The following ZNF133 variants were observed in gnomAD, a reference collection of about 807,000 sequenced individuals.
ZNF133 encodes zinc finger protein 133 (clone pHZ-13).
Under a neutral mutation model 54.9 loss-of-function variants are expected in ZNF133, and 26 were observed. The ratio of observed to expected loss-of-function variants is 0.47; its 90% CI spans 0.35 to 0.66. The LOEUF is 0.66. ZNF133 is among the 30% of genes least tolerant of loss of function. ZNF133 has a pLI of 0.01. For synonymous variants in ZNF133, 298 were observed against 320.3 expected, an observed-to-expected ratio of 0.93 and a Z score of 0.74; for missense variants, 653 against 820.8, an observed-to-expected ratio of 0.80 and a Z score of 2.50.
chr20:18,313,864 A>C (rs2147859980), intron 6 of ZNF133: 1 of 152,492 alleles, frequency 6.6e-6, no homozygotes, highest in East Asian at 1.9e-4. Context: ...CTTTCTCTGC[A>C]GGAGCTCCTC....
At chr20:18,288,710 G>C (rs2040199073) in intron 1 of ZNF133, 106 bp downstream of exon 1, 1 of 398,230 alleles carries the variant, frequency 2.5e-6, no homozygotes. Flanking sequence ...GACCGTGCGG[G>C]TGGCGCGGGG....
intron 3 of ZNF133, among the ~76,000 whole-genome samples, chr20:18,303,422 AT>A: frequency 6.6e-6 from 1 of 152,094 alleles, no homozygotes; most frequent in Non-Finnish European, 1.5e-5. Context: ...AAAAATAACA[AT>A]TTTTTTAATA....
Position 18,315,219 on chromosome 20 carries a change from G to A in ZNF133, c.368G>A (p.Gly123Asp), listed in dbSNP as rs772466417. ...GGTAACATCCAGCCTGGGGATCCGGGCCCAGGGGACCAGGAGAAGCAGCAA... is the reference window on the plus strand; with the variant it reads ...GGTAACATCCAGCCTGGGGATCCGGACCCAGGGGACCAGGAGAAGCAGCAA... Reference protein sequence around the residue: ...AEGNIQPGDPGPGDQEKQQQA... With the variant: ...AEGNIQPGDPDPGDQEKQQQA... Residue 123 changes from glycine (G) to aspartate (D), a missense_variant, in exon 7 of 7, where the codon GGC (glycine) becomes GAC (aspartate). By Grantham distance (94) the Gly-to-Asp change is moderately conservative (BLOSUM62 -1). Transcript: ENST00000425686. 3.7e-6 allele frequency: 6 copies of A among 1,613,936 alleles called. No homozygotes were observed. Among genetic ancestry groups the A allele is most frequent in the Middle Eastern group, 1.6e-4 (1 of 6,084 alleles).
At chr20:18,299,111 C>G (rs927444507) in intron 3 of ZNF133, among the ~76,000 whole-genome samples, 3 of 151,994 alleles carry the variant, frequency 2.0e-5, no homozygotes, top group African/African-American at 4.8e-5. Flanking sequence ...AATGAATAAA[C>G]TGAAAACATC....
At chr20:18,296,328 A>G (rs968520897) in intron 1 of ZNF133, among the ~76,000 whole-genome samples, 4 of 152,148 alleles carry the variant, frequency 2.6e-5, no homozygotes, top group Admixed American at 2.0e-4. Flanking sequence ...TACCATTTTA[A>G]CATGTTTGAG....
intron 6 of ZNF133, 106 bp from the exon 7 acceptor site, chr20:18,314,963 T>C: frequency 1.8e-6 from 2 of 1,114,390 alleles, no homozygotes; most frequent in Admixed American, 2.6e-5. Context: ...CCCGGTTGGA[T>C]GGCACTTAAG....
chr20:18,297,228 T>C (rs2042401781), intron 1 of ZNF133, among the ~76,000 whole-genome samples: 1 of 152,186 alleles, frequency 6.6e-6, no homozygotes, highest in Admixed American at 6.5e-5. Context: ...CTTCATTCTC[T>C]TGTTTTCTGG....
chr20:18,304,222 G>A (rs529862462), intron 3 of ZNF133, among the ~76,000 whole-genome samples: 9 of 152,102 alleles, frequency 5.9e-5, no homozygotes, highest in African/African-American at 2.2e-4. Flanking sequence ...ATACCAATTA[G>A]TATGGCTATT....
In ZNF133 at chr20:18,298,350, CTG is replaced by C. The variant is rs1239634100; in HGVS notation, c.-288_-287del. On this transcript the variant is annotated 5_prime_UTR_variant, in exon 3 of 7. It removes the in-frame stop codon of an upstream open reading frame in the 5' UTR. Coordinates refer to ENST00000425686, the MANE Select transcript of ZNF133 (RefSeq NM_001352452.2). ...TAATGGAACGGGAAGATTCTGGAAT[CTG>C]TGTCCCCACCTAGACAACGATTATA... 1.6e-6 allele frequency: 2 copies of C among 1,283,054 alleles called. No homozygotes were observed. The highest frequency in any genetic ancestry group is 2.0e-6 in the Non-Finnish European group (2 of 1,012,304). The allele number at this position is 1,283,054 out of a possible 1,614,324, so 79.5% of individuals were successfully genotyped here. A position where few individuals can be genotyped will look rare whatever the true frequency, so the allele number is the denominator to read the frequency against.
At chr20:18,308,855 G>A (rs1232540036) in intron 6 of ZNF133, among the ~76,000 whole-genome samples, 1 of 152,196 alleles carries the variant, frequency 6.6e-6, no homozygotes, top group Non-Finnish European at 1.5e-5. Flanking sequence ...TACAGCAATA[G>A]GAAAGAAGGA....
rs4438557 is a variant in ZNF133, at chr20:18,308,811, G to A, written c.217+2418G>A. On this transcript the variant is annotated intron_variant, in intron 6 of 6. Transcript: ENST00000425686. ...AGATAAATTTCATGAGACTTGCTCA[G>A]GGGTTGACTGAGGCAGATGAGTAGG... is the stretch of plus-strand genomic sequence containing the variant. Among the ~76,000 whole-genome samples the A allele has an allele frequency of 3.3e-5, 5 of 152,322 alleles. No individual in the cohort carries two copies. In the East Asian group the frequency reaches 9.6e-4, roughly 29 times the overall value.
At position 18,315,899 on chromosome 20, in the gene ZNF133, G is replaced by A; in HGVS notation, c.1048G>A (p.Glu350Lys). The A allele has an allele frequency of 6.2e-7, 1 of 1,614,002 alleles. No individual in the cohort carries two copies. The highest frequency in any genetic ancestry group is 8.5e-7 in the Non-Finnish European group (1 of 1,179,992). The change falls in exon 7 of 7, where the codon GAG becomes AAG. Residue 350 changes from glutamate (E) to lysine (K), a missense_variant. Coordinates refer to ENST00000425686, the MANE Select transcript of ZNF133 (RefSeq NM_001352452.2). ...AVVRHQRTHL[E>K]EKTIVCSDCG... ...CGTGAGACACCAGAGGACACACTTG[G>A]AGGAGAAGACCATCGTGTGCAGTGA...
Position 18,315,660 on chromosome 20 carries a change from T to C in ZNF133, c.809T>C (p.Ile270Thr), listed in dbSNP as rs1205146595. 1.2e-6 allele frequency: 2 copies of C among 1,612,628 alleles called. No homozygotes were observed. Among genetic ancestry groups the C allele is most frequent in the Admixed American group, 1.7e-5 (1 of 59,888 alleles). Residue 270 changes from isoleucine (I) to threonine (T), a missense_variant, in exon 7 of 7, where the codon ATT becomes ACT. Physicochemically the swap from Ile to Thr is moderately conservative, Grantham distance 89. This residue lies in a region of ZNF133 where 292 missense variants were observed against 431.6 expected (regional missense o/e 0.68). Transcript: ENST00000425686. ...AAGGCACACTCGGGGGAGAAGCCAA[T>C]TGTGTGCAGGGAGTGTGGACGAGGC... Reference protein sequence around the residue: ...HQKAHSGEKPIVCRECGRGFN... With the variant: ...HQKAHSGEKPTVCRECGRGFN...
chr20:18,308,394 T>C (rs1271643817), intron 6 of ZNF133, among the ~76,000 whole-genome samples: 1 of 152,210 alleles, frequency 6.6e-6, no homozygotes, highest in Non-Finnish European at 1.5e-5. Flanking sequence ...ACTGTTCATC[T>C]GTTAGAAGGA....
At chr20:18,302,485 CAGAAA>C (rs2043607608) in intron 3 of ZNF133, among the ~76,000 whole-genome samples, 1 of 151,012 alleles carries the variant, frequency 6.6e-6, no homozygotes, top group Non-Finnish European at 1.5e-5. Context: ...CATCTCAATG[CAGAAA>C]AGTATTTGAC....
chr20:18,304,945 C>T, intron 3 of ZNF133, 63 bp from the exon 4 acceptor site: 1 of 951,316 alleles, frequency 1.1e-6, no homozygotes, highest in Non-Finnish European at 1.3e-6. Flanking sequence ...TGATTCCAAC[C>T]CATTCTCCAA....
intron 1 of ZNF133, among the ~76,000 whole-genome samples, chr20:18,293,503 T>C (rs1453403247): frequency 6.6e-6 from 1 of 152,212 alleles, no homozygotes; most frequent in East Asian, 1.9e-4. Flanking sequence ...CTTAAGCCTG[T>C]AACTGGCACA....
intron 3 of ZNF133, among the ~76,000 whole-genome samples, chr20:18,299,991 T>A (rs2147191494): frequency 6.6e-6 from 1 of 152,276 alleles, no homozygotes; most frequent in African/African-American, 2.4e-5. Flanking sequence ...GACAGTTACA[T>A]GAAGCCATAT....
chr20:18,301,864 A>G (rs2043419413), intron 3 of ZNF133, among the ~76,000 whole-genome samples: 1 of 152,174 alleles, frequency 6.6e-6, no homozygotes, highest in African/African-American at 2.4e-5. Context: ...AGTTCTTCTC[A>G]AACTTCTCCA....
Sources: allele counts gnomAD v4.1 joint callset (sites outside exome capture counted in the v4.1 genomes callset), GRCh38; gene constraint gnomAD v4.1.1; regional missense constraint gnomAD v4.1.1; transcripts MANE v1.5; gene names NCBI Gene and HGNC (gene_info 2026-07-23, HGNC 2026-07-21).